The following NRG1 variants were observed in gnomAD, a reference collection of about 807,000 sequenced individuals.
The protein encoded by NRG1 is neuregulin 1.
A neutral mutation model predicts 63.8 loss-of-function variants in NRG1; 18 were observed. The observed-to-expected ratio is 0.28, with a 90% confidence interval of 0.19 to 0.42. NRG1 has a LOEUF of 0.42. Ranked by LOEUF, NRG1 falls within the 10% of genes least tolerant of loss-of-function variation. The probability of loss-of-function intolerance (pLI) is 1.00; values close to 1 mark genes in which losing one functional copy is unlikely to be tolerated. For synonymous variants in NRG1, 302 were observed against 301.3 expected (o/e 1.00, Z -0.02); for missense variants, 762 against 814.7 (o/e 0.94, Z 0.79).
chr8:31,788,462 A>G (rs142739393), intron 1 of NRG1, among the ~76,000 whole-genome samples: 31 of 152,300 alleles, frequency 2.0e-4, no homozygotes, highest in African/African-American at 6.7e-4. Flanking sequence ...ATCTCCAGTC[A>G]TATTTCCATG....
At chr8:31,864,062 T>C (rs1828721347) in intron 1 of NRG1, among the ~76,000 whole-genome samples, 1 of 152,214 alleles carries the variant, frequency 6.6e-6, no homozygotes, top group African/African-American at 2.4e-5. Context: ...AATAGAATGA[T>C]TATTTAATTT....
At chr8:32,321,502 AGCAGTGGGTTTTTTTT>A (rs1263042985) in intron 1 of NRG1, among the ~76,000 whole-genome samples, 1 of 145,722 alleles carries the variant, frequency 6.9e-6, no homozygotes, top group Non-Finnish European at 1.5e-5. Context: ...AAAATCTGAC[AGCAGTGGGTTTTTTTT>A]TTTTCTTCTT....
At chr8:32,238,461 C>T (rs1456177445) in intron 1 of NRG1, among the ~76,000 whole-genome samples, 1 of 147,876 alleles carries the variant, frequency 6.8e-6, no homozygotes, top group Non-Finnish European at 1.5e-5. Flanking sequence ...AAAAAAAAAA[C>T]CTTTAGGAAG....
chr8:32,605,528 A>G, intron 2 of NRG1, 34 bp from the exon 3 acceptor site: 1 of 1,610,926 alleles, frequency 6.2e-7, no homozygotes, highest in Non-Finnish European at 8.5e-7. Context: ...TTTCTGTGAT[A>G]TATACTGACA....
At chr8:32,744,595 T>C (rs549150128) in intron 7 of NRG1, among the ~76,000 whole-genome samples, 2 of 152,242 alleles carry the variant, frequency 1.3e-5, no homozygotes, top group African/African-American at 4.8e-5. Context: ...ACTCAGCAAA[T>C]CCATGTGGCT....
intron 1 of NRG1, among the ~76,000 whole-genome samples, chr8:32,350,720 C>G (rs1429818498): frequency 6.6e-6 from 1 of 151,684 alleles, no homozygotes; most frequent in Non-Finnish European, 1.5e-5. Context: ...TTCTTATATC[C>G]TGTATAATAA....
At chr8:32,550,587 C>G (rs1232482166) in intron 1 of NRG1, among the ~76,000 whole-genome samples, 1 of 152,134 alleles carries the variant, frequency 6.6e-6, no homozygotes, top group African/African-American at 2.4e-5. Flanking sequence ...TGCATTTTGT[C>G]AAGGGCTCCC....
At chr8:31,988,062 G>A (rs1266161427) in intron 1 of NRG1, among the ~76,000 whole-genome samples, 3 of 152,196 alleles carry the variant, frequency 2.0e-5, no homozygotes, top group East Asian at 1.9e-4. Context: ...AACTGTAATA[G>A]TACTTTGTCC....
intron 1 of NRG1, among the ~76,000 whole-genome samples, chr8:32,271,029 A>G (rs1051041115): frequency 6.6e-6 from 1 of 152,134 alleles, no homozygotes; most frequent in Non-Finnish European, 1.5e-5. Flanking sequence ...TATAAAATAG[A>G]TGAAAAGTGT....
intron 1 of NRG1, among the ~76,000 whole-genome samples, chr8:31,815,776 T>C (rs1823381066): frequency 6.6e-6 from 1 of 152,228 alleles, no homozygotes; most frequent in Admixed American, 6.5e-5. Flanking sequence ...GCAAAAGTAA[T>C]TGTGGTTTTT....
rs7837185 is a variant in NRG1 at position 31,911,782 on chromosome 8, C to T, written c.37+272351C>T. 4.1e-3 allele frequency among the ~76,000 whole-genome samples: 621 copies of T among 152,246 alleles called. 5 individuals carry two copies. Among genetic ancestry groups the T allele is most frequent in the African/African-American group, 0.014 (602 of 41,544 alleles). ...AGAAAGAATCACGTTCAAAGAGTAA[C>T]AAAATTGATATTATATTTAGACAGG... On this transcript the variant is annotated intron_variant, in intron 1 of 10. Transcript: ENST00000519301.
chr8:32,343,209 A>G (rs1804298040), intron 1 of NRG1, among the ~76,000 whole-genome samples: 1 of 152,238 alleles, frequency 6.6e-6, no homozygotes, highest in Non-Finnish European at 1.5e-5. Context: ...CAGAAAATGT[A>G]TCAGAGAAAT....
chr8:32,234,106 T>A (rs1847288137), intron 1 of NRG1, among the ~76,000 whole-genome samples: 1 of 152,218 alleles, frequency 6.6e-6, no homozygotes, highest in Non-Finnish European at 1.5e-5. Flanking sequence ...AACAGAATTA[T>A]CACTGAAATT....
At chr8:31,888,693 G>C (rs978903685) in intron 1 of NRG1, among the ~76,000 whole-genome samples, 3 of 151,482 alleles carry the variant, frequency 2.0e-5, no homozygotes, top group Non-Finnish European at 4.4e-5. Context: ...AAAGGAAAAC[G>C]ATCAGCCACA....
intron 1 of NRG1, among the ~76,000 whole-genome samples, chr8:32,311,102 CA>C (rs1856760652): frequency 6.6e-6 from 1 of 152,174 alleles, no homozygotes; most frequent in Non-Finnish European, 1.5e-5. Context: ...GTCAGGCACT[CA>C]GGGGAAACGA....
chr8:31,774,907 A>G (rs1818970593), intron 1 of NRG1, among the ~76,000 whole-genome samples: 1 of 152,186 alleles, frequency 6.6e-6, no homozygotes. Context: ...CAGAATAGTT[A>G]TTATTAAAAA....
chr8:31,956,875 A>G (rs574909766), intron 1 of NRG1, among the ~76,000 whole-genome samples: 32 of 152,214 alleles, frequency 2.1e-4, no homozygotes, highest in Non-Finnish European at 4.3e-4. Flanking sequence ...CAAAACCCAT[A>G]TACTTTTGCC....
At chr8:31,719,818 A>C (rs1812720936) in intron 1 of NRG1, among the ~76,000 whole-genome samples, 1 of 149,524 alleles carries the variant, frequency 6.7e-6, no homozygotes, top group African/African-American at 2.5e-5. Context: ...TGTATGTGTA[A>C]ATTTTCAGTC....
intron 1 of NRG1, among the ~76,000 whole-genome samples, chr8:32,432,513 T>G (rs1305477370): frequency 2.0e-5 from 3 of 152,126 alleles, no homozygotes; most frequent in Non-Finnish European, 4.4e-5. Context: ...TTTGTTTTTG[T>G]TTTTGTATTA....
Sources: allele counts gnomAD v4.1 joint callset (sites outside exome capture counted in the v4.1 genomes callset), GRCh38; gene constraint gnomAD v4.1.1; transcripts MANE v1.5; gene names NCBI Gene and HGNC (gene_info 2026-07-23, HGNC 2026-07-21).